Variants in FAT2 observed in about 807,000 individuals in gnomAD.
FAT2 encodes protocadherin Fat 2.
A neutral mutation model predicts 295.3 loss-of-function variants in FAT2; 150 were observed. The observed-to-expected ratio is 0.51, with a 90% CI of 0.44 to 0.58. The LOEUF (loss-of-function observed/expected upper bound fraction) is 0.58. Among genes scored for constraint, FAT2 ranks in the 20% least tolerant of loss-of-function variants. FAT2 has a pLI of 0.00. For synonymous variants in FAT2, 2,026 were observed against 2,150.3 expected (o/e 0.94, Z 1.60); for missense variants, 4,868 against 5,442.7 (o/e 0.89, Z 3.32).
Position 151,549,437 on chromosome 5 carries a change from G to A in FAT2, c.4647C>T (p.Asn1549=), listed in dbSNP as rs1365783599. The part of the protein sequence containing the change: ...VWVTIHVEDG[N]LHPPRFTQLH... ...GCTGAGTGAAGCGGGGTGGGTGGAG[G>A]TTTCCATCCTCCACATGAATGGTCA... The change falls in exon 9 of 24, where the codon AAC becomes AAT. Residue 1549 remains asparagine, a synonymous_variant. Coordinates refer to ENST00000261800, the MANE Select transcript of FAT2 (RefSeq NM_001447.3). 1.9e-6 allele frequency: 3 copies of A among 1,613,998 alleles called. No individual in the cohort carries two copies. Among genetic ancestry groups the A allele is most frequent in the Non-Finnish European group, 2.5e-6 (3 of 1,180,022 alleles).
rs777232894 is a variant in FAT2, at chr5:151,528,138, G to A, written c.10027-5C>T. On this transcript the variant is annotated splice_polypyrimidine_tract_variant and splice_region_variant and intron_variant, in intron 15 of 23. Transcript: ENST00000261800. ...ATCTTCATCAGTCGCTGATACCTGC[G>A]GTGGGGTAGGGGGATTGTGAATGGA... 23 of 1,613,520 alleles carry A rather than the reference G, an allele frequency of 1.4e-5. No individual in the cohort carries two copies. The highest frequency in any genetic ancestry group is 2.2e-5 in the East Asian group (1 of 44,878).
chr5:151,521,414 A>C lies in FAT2; in HGVS notation c.11179T>G (p.Cys3727Gly). Reference sequence around the variant, plus strand: ...TGACCCTGGCAGGTTGGCCCCTGGCAGGGCACCATGGGCATAGCTGACCGC... The same window carrying C: ...TGACCCTGGCAGGTTGGCCCCTGGCCGGGCACCATGGGCATAGCTGACCGC... ...QMRSAMPMVP[C>G]QGPTCQGQIC... Residue 3727 changes from cysteine (C) to glycine (G), a missense_variant, in exon 19 of 24, where the codon TGC (cysteine) becomes GGC (glycine). Around this residue, in one of 5 missense-constraint regions of FAT2, gnomAD observed 1,046 missense variants for 1,210.1 expected, o/e 0.86. Transcript: ENST00000261800. 6.2e-7 allele frequency: 1 copy of C among 1,614,208 alleles called. No individual in the cohort carries two copies. Among genetic ancestry groups the C allele is most frequent in the Non-Finnish European group, 8.5e-7 (1 of 1,180,026 alleles).
At chr5:151,522,222 A>G (rs1753541545) in intron 18 of FAT2, 136 bp from the exon 19 acceptor site, 2 of 610,724 alleles carry the variant, frequency 3.3e-6, no homozygotes, top group African/African-American at 3.9e-5. Flanking sequence ...GCATTGTTGC[A>G]TTTAGAAAAA....
intron 5 of FAT2, 34 bp downstream of exon 5, chr5:151,554,328 C>T (rs377062316): frequency 3.8e-6 from 6 of 1,585,630 alleles, no homozygotes; most frequent in Non-Finnish European, 5.2e-6. Flanking sequence ...CAGCATGCCA[C>T]TCCTCCCTCC....
rs1294168453 is a variant in FAT2 at position 151,537,910 on chromosome 5, G to A, written c.9076C>T (p.Pro3026Ser). The change falls in exon 12 of 24, where the codon CCA (proline) becomes TCA (serine). Residue 3026 changes from proline (P) to serine (S), a missense_variant. Coordinates refer to ENST00000261800, the MANE Select transcript of FAT2 (RefSeq NM_001447.3). ...GAAACCTTCAAAATGAAGTGTCCTG[G>A]AAATACATCTTCATGAACCTTGCCA... ...YTGKVHEDVF[P>S]GHFILKVSAT... 5 of 1,614,146 alleles carry A rather than the reference G, an allele frequency of 3.1e-6. No homozygotes were observed. Among genetic ancestry groups the A allele is most frequent in the South Asian group, 1.1e-5 (1 of 91,072 alleles).
At chr5:151,579,774 C>T (rs560138171) in intron 1 of FAT2, among the ~76,000 whole-genome samples, 1 of 151,580 alleles carries the variant, frequency 6.6e-6, no homozygotes, top group East Asian at 1.9e-4. Flanking sequence ...TAACTGAACC[C>T]ACCTCAGATA....
intron 16 of FAT2, 68 bp downstream of exon 16, chr5:151,527,928 C>T (rs1754187711): frequency 4.5e-6 from 7 of 1,567,540 alleles, no homozygotes; most frequent in Non-Finnish European, 5.2e-6. Context: ...GATTCATCTT[C>T]TGGACCTGCA....
At chr5:151,540,892 A>AC in intron 10 of FAT2, 129 bp from the exon 11 acceptor site, 8 of 773,076 alleles carry the variant, frequency 1.0e-5, no homozygotes, top group South Asian at 4.4e-5. Flanking sequence ...TTCCTTAACT[A>AC]GGAACCCACG....
chr5:151,551,501 T>C lies in FAT2; in HGVS notation c.4262A>G (p.Glu1421Gly). Residue 1421 changes from glutamate (E) to glycine (G), a missense_variant, in exon 7 of 24, where the codon GAG becomes GGG. Glu to Gly is a moderately conservative substitution (Grantham distance 98). This residue lies in a region of FAT2 where 3,297 missense variants were observed against 3,669.4 expected (regional missense o/e 0.90). Transcript: ENST00000261800. Reference protein sequence around the residue: ...RRRSNYNLTVEVTDGSRTIAT... With the variant: ...RRRSNYNLTVGVTDGSRTIAT... The stretch of plus-strand genomic sequence containing the variant: ...AATGGTGCGGGACCCATCTGTCACC[T>C]CAACAGTCAAGTTATAGTTCGACCT... 6.2e-7 allele frequency: 1 copy of C among 1,614,182 alleles called. No individual in the cohort carries two copies. The highest frequency in any genetic ancestry group is 8.5e-7 in the Non-Finnish European group (1 of 1,180,026).
intron 10 of FAT2, 46 bp from the exon 11 acceptor site, chr5:151,540,809 A>G (rs1255742169): frequency 6.5e-7 from 1 of 1,537,514 alleles, no homozygotes; most frequent in Non-Finnish European, 8.9e-7. Flanking sequence ...AATAGGAATG[A>G]ACTAGGCTTT....
At chr5:151,536,111 G>A (rs1315897055) in intron 12 of FAT2, among the ~76,000 whole-genome samples, 1 of 152,094 alleles carries the variant, frequency 6.6e-6, no homozygotes, top group Non-Finnish European at 1.5e-5. Flanking sequence ...TATACCAAGA[G>A]TCCTTATCTG....
Position 151,542,630 on chromosome 5 carries a change from T to C in FAT2, c.8497A>G (p.Ser2833Gly). The C allele has an allele frequency of 1.2e-6, 2 of 1,614,180 alleles. No individual in the cohort carries two copies. The highest frequency in any genetic ancestry group is 1.3e-5 in the African/African-American group (1 of 75,034). ...CCAGGGTCTGCAGACAGCCTGTAGC[T>C]CACCTGGCCATCTCTCCCAGTGTCC... ...DKDTGRDGQV[S>G]YRLSADPGSN... Residue 2833 changes from serine to glycine, a missense_variant, in exon 10 of 24, where the codon AGC (serine) becomes GGC (glycine). By Grantham distance (56) the Ser-to-Gly change is moderately conservative. Transcript: ENST00000261800.
intron 15 of FAT2, 125 bp downstream of exon 15, chr5:151,529,053 A>G: frequency 1.3e-6 from 1 of 758,892 alleles, no homozygotes; most frequent in Non-Finnish European, 2.2e-6. Flanking sequence ...GACAAGTCAG[A>G]GTCAAGTCTA....
intron 1 of FAT2, among the ~76,000 whole-genome samples, chr5:151,572,183 T>C (rs953619445): frequency 6.6e-6 from 1 of 152,194 alleles, no homozygotes; most frequent in Non-Finnish European, 1.5e-5. Flanking sequence ...ACTGTCTTCT[T>C]GGACTCCATG....
chr5:151,571,273 C>A (rs1307956020), intron 1 of FAT2, among the ~76,000 whole-genome samples: 1 of 152,144 alleles, frequency 6.6e-6, no homozygotes, highest in Non-Finnish European at 1.5e-5. Context: ...CAGCCCCCAA[C>A]CCATGCAGGA....
intron 1 of FAT2, among the ~76,000 whole-genome samples, chr5:151,575,984 G>A (rs981314427): frequency 2.6e-5 from 4 of 151,896 alleles, no homozygotes; most frequent in African/African-American, 7.3e-5. Flanking sequence ...CTACCACATC[G>A]GACAGCCCAG....
intron 20 of FAT2, among the ~76,000 whole-genome samples, chr5:151,513,707 CG>C (rs1464378307): frequency 1.3e-5 from 2 of 151,690 alleles, no homozygotes; most frequent in Admixed American, 6.6e-5. Flanking sequence ...ATCGGTTACC[CG>C]TATAACAAAC....
At position 151,545,865 on chromosome 5, in the gene FAT2, A is replaced by T; in HGVS notation, c.5262T>A (p.Asn1754Lys). 1 of 1,614,230 alleles carries T rather than the reference A, an allele frequency of 6.2e-7. No homozygotes were observed. Among genetic ancestry groups the T allele is most frequent in the East Asian group, 2.2e-5 (1 of 44,892 alleles). ...AAGTTGACTTTAAGAACATAGGAGC[A>T]TTGTCATTTTCATCAATTATGTCAA... ...VVVDIIDEND[N>K]APMFLKSTFV... Residue 1754 changes from asparagine to lysine, a missense_variant, in exon 10 of 24, where the codon AAT becomes AAA. Transcript: ENST00000261800.
rs1756300907 is a variant in FAT2 at position 151,543,003 on chromosome 5, A to G, written c.8124T>C (p.Ser2708=). The G allele has an allele frequency of 2.5e-6, 4 of 1,614,208 alleles. No homozygotes were observed. Among genetic ancestry groups the G allele is most frequent in the Non-Finnish European group, 2.5e-6 (3 of 1,180,044 alleles). ...FSAPEDLPEG[S]EIGIVKAVAA... is the part of the protein sequence containing the mutation. ...CCACTGCTTTAACAATCCCAATTTC[A>G]GACCCCTCTGGAAGGTCTTCAGGTG... Residue 2708 remains serine (S), a synonymous_variant, in exon 10 of 24, where the codon TCT becomes TCC. Coordinates refer to ENST00000261800, the MANE Select transcript of FAT2 (RefSeq NM_001447.3).
Sources: allele counts gnomAD v4.1 joint callset (sites outside exome capture counted in the v4.1 genomes callset), GRCh38; gene constraint gnomAD v4.1.1; regional missense constraint gnomAD v4.1.1; transcripts MANE v1.5; gene names NCBI Gene and HGNC (gene_info 2026-07-23, HGNC 2026-07-21).